EPB41L3: variants seen among roughly 807,000 people sequenced by gnomAD.
EPB41L3 encodes the protein erythrocyte membrane protein band 4.1 like 3.
In EPB41L3, 57 loss-of-function variants were observed where a neutral mutation model predicts 127.1. The observed-to-expected ratio is 0.45, with a 90% CI of 0.36 to 0.56. The LOEUF is 0.56. Ranked by LOEUF, EPB41L3 falls within the 20% of genes least tolerant of loss-of-function variation. The pLI is 0.00. For synonymous variants in EPB41L3, 572 were observed against 549.5 expected, an observed-to-expected ratio of 1.04 and a Z score of -0.57; for missense variants, 1,273 against 1,372.2, an observed-to-expected ratio of 0.93 and a Z score of 1.14.
intron 1 of EPB41L3, among the ~76,000 whole-genome samples, chr18:5,514,631 G>T (rs373133407): frequency 5.3e-5 from 8 of 152,226 alleles, no homozygotes; most frequent in African/African-American, 1.9e-4. Context: ...AAGTTACAGA[G>T]AAACAATATA....
chr18:5,448,109 T>A (rs1478481056), intron 3 of EPB41L3, among the ~76,000 whole-genome samples: 1 of 152,026 alleles, frequency 6.6e-6, no homozygotes. Context: ...CATCCTTGAG[T>A]GGGGATGTAA....
chr18:5,437,662 T>C (rs1163331156), intron 6 of EPB41L3, among the ~76,000 whole-genome samples: 2 of 152,212 alleles, frequency 1.3e-5, no homozygotes, highest in Non-Finnish European at 2.9e-5. Flanking sequence ...GTTGGTTATA[T>C]AAAAAGCACA....
At position 5,433,923 on chromosome 18, in the gene EPB41L3, G is replaced by A. The variant is rs200272088; in HGVS notation, c.804C>T (p.Ile268=). Residue 268 remains isoleucine (I), a synonymous_variant, in exon 7 of 23, where the codon ATC becomes ATT. Transcript: ENST00000341928. The part of the protein sequence containing the change: ...NHTKELEDKV[I]ELHKSHRGMT... ...CTAACCTGTGGCTCTTGTGCAGCTC[G>A]ATCACTTTGTCTTCCAGTTCTTTAG... The A allele has an allele frequency of 1.9e-5, 31 of 1,614,154 alleles. No individual in the cohort carries two copies. The highest frequency in any genetic ancestry group is 1.6e-4 in the Middle Eastern group (1 of 6,062).
chr18:5,498,608 A>AAAAAAG (rs1448249391), intron 1 of EPB41L3, among the ~76,000 whole-genome samples: 18,121 of 144,374 alleles, frequency 0.13, 1,670 homozygotes, highest in Non-Finnish European at 0.16. Context: ...AAAAAAAAAA[A>AAAAAAG]AAAGAAAATG....
intron 1 of EPB41L3, among the ~76,000 whole-genome samples, chr18:5,501,277 AAATG>A (rs77332925): frequency 2.5e-3 from 370 of 150,994 alleles, no homozygotes; most frequent in East Asian, 7.9e-3. Context: ...TTAAGTATTT[AAATG>A]AATGAATGAA....
At chr18:5,519,457 C>G (rs1396764093) in intron 1 of EPB41L3, among the ~76,000 whole-genome samples, 1 of 152,228 alleles carries the variant, frequency 6.6e-6, no homozygotes, top group Non-Finnish European at 1.5e-5. Context: ...CAGTTATCAC[C>G]AAGACCCAAG....
chr18:5,485,585 C>T (rs1260236029), intron 2 of EPB41L3, among the ~76,000 whole-genome samples: 1 of 151,818 alleles, frequency 6.6e-6, no homozygotes, highest in African/African-American at 2.4e-5. Flanking sequence ...AATTTTATAC[C>T]TAGAAAACCC....
chr18:5,531,177 T>C (rs973846096), intron 1 of EPB41L3, among the ~76,000 whole-genome samples: 1 of 152,222 alleles, frequency 6.6e-6, no homozygotes, highest in Non-Finnish European at 1.5e-5. Flanking sequence ...CATTTGTAGA[T>C]GAGTGTATGT....
At chr18:5,566,408 C>T (rs1450952671) in intron 3 of EPB41L3, among the ~76,000 whole-genome samples, 24 of 152,160 alleles carry the variant, frequency 1.6e-4, no homozygotes, top group Admixed American at 2.0e-4. Flanking sequence ...TTACAAGGGA[C>T]GCGAAGGACC....
At chr18:5,621,643 A>G (rs150164709) in intron 1 of EPB41L3, among the ~76,000 whole-genome samples, 2 of 152,302 alleles carry the variant, frequency 1.3e-5, no homozygotes, top group African/African-American at 4.8e-5. Flanking sequence ...CGGGAGGCTG[A>G]GGCAGGAGAA....
chr18:5,420,633 A>T (rs1235801479), intron 11 of EPB41L3, among the ~76,000 whole-genome samples: 1 of 152,260 alleles, frequency 6.6e-6, no homozygotes, highest in Non-Finnish European at 1.5e-5. Context: ...ATGCAAATGC[A>T]AAACATGCAA....
chr18:5,581,532 C>G (rs1305691834), intron 3 of EPB41L3, among the ~76,000 whole-genome samples: 1 of 152,116 alleles, frequency 6.6e-6, no homozygotes. Flanking sequence ...AACAAACAAA[C>G]TCAAACCTCT....
At chr18:5,540,324 A>G (rs894332393) in intron 1 of EPB41L3, 21 of 984,114 alleles carry the variant, frequency 2.1e-5, no homozygotes, top group African/African-American at 3.5e-5. Context: ...ACACCTTTCA[A>G]TTCTCCAAAC....
intron 1 of EPB41L3, among the ~76,000 whole-genome samples, chr18:5,618,046 T>A (rs1025768196): frequency 2.0e-5 from 3 of 152,212 alleles, no homozygotes; most frequent in African/African-American, 7.2e-5. Flanking sequence ...TTTAATATAG[T>A]TGTCTGGACT....
chr18:5,608,572 T>C (rs1445714018), intron 3 of EPB41L3, among the ~76,000 whole-genome samples: 4 of 152,174 alleles, frequency 2.6e-5, no homozygotes, highest in African/African-American at 9.7e-5. Flanking sequence ...TAAAGTGTTA[T>C]CTTCAGAAGG....
At chr18:5,566,767 CTATTCTATTCTATTCT>C (rs1568583906) in intron 3 of EPB41L3, among the ~76,000 whole-genome samples, 16 of 145,128 alleles carry the variant, frequency 1.1e-4, no homozygotes, top group Non-Finnish European at 2.1e-4. Flanking sequence ...CTATTCTATT[CTATTCTATTCTATTCT>C]ATTCTATTCC....
chr18:5,472,092 C>T (rs2147632806), intron 3 of EPB41L3, among the ~76,000 whole-genome samples: 1 of 152,102 alleles, frequency 6.6e-6, no homozygotes, highest in Non-Finnish European at 1.5e-5. Flanking sequence ...ATTTATTAGG[C>T]CTTGTCTACA....
At chr18:5,629,433 A>G (rs2094963379), upstream of EPB41L3, among the ~76,000 whole-genome samples, 1 of 151,262 alleles carries the variant, frequency 6.6e-6, no homozygotes, top group African/African-American at 2.4e-5. Context: ...ACACACACAC[A>G]CACACACACA....
chr18:5,423,622 T>G, intron 10 of EPB41L3, 69 bp from the exon 11 acceptor site: 2 of 1,408,356 alleles, frequency 1.4e-6, no homozygotes, highest in Non-Finnish European at 1.9e-6. Flanking sequence ...TTTAAACTTT[T>G]TACTCTGAGA....
Sources: gnomAD v4.1 joint callset for allele counts (sites outside exome capture counted in the v4.1 genomes callset) on GRCh38, gnomAD v4.1.1 for gene constraint, MANE v1.5 for transcripts, NCBI Gene and HGNC (gene_info 2026-07-23, HGNC 2026-07-21) for gene names.